Variants in XXYLT1 observed in about 807,000 individuals in gnomAD.
XXYLT1 encodes the protein xyloside xylosyltransferase 1, also known as UDP-xylose:alpha-xyloside alpha-1,3-xylosyltransferase.
XXYLT1 carries 20 observed loss-of-function variants against 28.9 expected under a neutral mutation model. The ratio of observed to expected loss-of-function variants is 0.69; its 90% CI spans 0.49 to 1.00. The LOEUF (loss-of-function observed/expected upper bound fraction) is 1.00, where lower values mean the gene tolerates loss of function less well. Ranked by LOEUF, XXYLT1 falls within the 50% of genes least tolerant of loss-of-function variation. XXYLT1 has a pLI of 0.00. For synonymous variants in XXYLT1, 257 were observed against 253.8 expected, an observed-to-expected ratio of 1.01 and a Z score of -0.12; for missense variants, 542 against 560.1, an observed-to-expected ratio of 0.97 and a Z score of 0.33.
intron 2 of XXYLT1, among the ~76,000 whole-genome samples, chr3:195,188,054 G>T (rs1722276204): frequency 2.0e-5 from 3 of 152,206 alleles, no homozygotes; most frequent in Admixed American, 2.0e-4. Context: ...ATATTTAGAT[G>T]TGAGAGTAAA....
rs1372109280 is a variant in XXYLT1, at chr3:195,076,369, G to A, written c.786-6258C>T. Among the ~76,000 whole-genome samples the A allele has an allele frequency of 1.4e-5, 2 of 147,284 alleles. No homozygotes were observed. Among genetic ancestry groups the A allele is most frequent in the African/African-American group, 2.5e-5 (1 of 40,476 alleles). On this transcript the variant is annotated intron_variant, in intron 3 of 3. Transcript: ENST00000310380. This position sits in a 1 kb window ranked among gnomAD's most constrained non-coding sequence, Gnocchi z 5.3. ...GCGGCACAGACATTGGAACTCGACC[G>A]CGCGTGTTCCCGGAGTCTGAGTCGT...
At position 195,105,937 on chromosome 3, in the gene XXYLT1, A is replaced by C. The variant is rs1317564077; in HGVS notation, c.786-35826T>G. Among the ~76,000 whole-genome samples, 3 of 152,210 alleles carry C rather than the reference A, an allele frequency of 2.0e-5. No homozygotes were observed. In the East Asian group the frequency reaches 5.8e-4, roughly 29 times the overall value. ...ACTCTCATATCATCACTTCTTAGTA[A>C]GACTAAAGCCTTCCCCTTTCCTGTA... On this transcript the variant is annotated intron_variant, in intron 3 of 3. Transcript: ENST00000310380.
intron 1 of XXYLT1, among the ~76,000 whole-genome samples, chr3:195,250,430 G>A (rs1725204625): frequency 6.6e-6 from 1 of 152,136 alleles, no homozygotes; most frequent in African/African-American, 2.4e-5. Context: ...TGGGCGTGGT[G>A]GCACATGCCT....
chr3:195,081,046 C>T (rs112760177), intron 3 of XXYLT1, among the ~76,000 whole-genome samples: 3,395 of 152,274 alleles, frequency 0.022, 118 homozygotes, highest in African/African-American at 0.075. Flanking sequence ...GTAATTGGCA[C>T]GGTGACAGTG....
intron 3 of XXYLT1, among the ~76,000 whole-genome samples, chr3:195,109,318 G>T (rs1717324721): frequency 6.6e-6 from 1 of 152,064 alleles, no homozygotes; most frequent in Non-Finnish European, 1.5e-5. Context: ...ACCAGGCCTG[G>T]CTCTCCCAAG....
At chr3:195,243,241 A>C (rs1398570542) in intron 1 of XXYLT1, among the ~76,000 whole-genome samples, 1 of 152,128 alleles carries the variant, frequency 6.6e-6, no homozygotes, top group Non-Finnish European at 1.5e-5. Flanking sequence ...GGATAGCATT[A>C]GGAGATACAC....
At chr3:195,155,492 C>G (rs975654909) in intron 3 of XXYLT1, among the ~76,000 whole-genome samples, 2 of 152,080 alleles carry the variant, frequency 1.3e-5, no homozygotes, top group Non-Finnish European at 2.9e-5. Context: ...GGGCCACAGG[C>G]CTGGTTTATT....
At chr3:195,208,977 A>C (rs972849850) in intron 2 of XXYLT1, among the ~76,000 whole-genome samples, 1 of 152,230 alleles carries the variant, frequency 6.6e-6, no homozygotes, top group Non-Finnish European at 1.5e-5. Context: ...GTCTGTGATT[A>C]AGGACTATGA....
chr3:195,130,312 T>C (rs1354733455), intron 3 of XXYLT1, among the ~76,000 whole-genome samples: 2 of 152,170 alleles, frequency 1.3e-5, no homozygotes, highest in African/African-American at 2.4e-5. Context: ...TCACACTCAG[T>C]AGACAGGGAC....
At chr3:195,182,172 G>C (rs1721986239) in intron 2 of XXYLT1, among the ~76,000 whole-genome samples, 1 of 152,132 alleles carries the variant, frequency 6.6e-6, no homozygotes. Flanking sequence ...TAACCCCTCT[G>C]TGCTGGATTC....
At chr3:195,089,946 G>A (rs1716037158) in intron 3 of XXYLT1, among the ~76,000 whole-genome samples, 1 of 151,970 alleles carries the variant, frequency 6.6e-6, no homozygotes, top group Non-Finnish European at 1.5e-5. Flanking sequence ...TTACATAATG[G>A]TAAAGGGATC....
chr3:195,107,343 G>A lies in XXYLT1; in HGVS notation c.786-37232C>T, dbSNP rs557906267. On this transcript the variant is annotated intron_variant, in intron 3 of 3. Coordinates refer to ENST00000310380, the MANE Select transcript of XXYLT1 (RefSeq NM_152531.5). ...ACAAAAATTAGCCGGGCATGGTGGC[G>A]GGCACCTGTAATCCCAGCTACTCAG... Among the ~76,000 whole-genome samples the A allele has an allele frequency of 8.6e-5, 13 of 150,590 alleles. No individual in the cohort carries two copies. In the East Asian group the frequency reaches 2.0e-3, roughly 23 times the overall value.
At chr3:195,236,877 T>A (rs1000225004) in intron 1 of XXYLT1, among the ~76,000 whole-genome samples, 1 of 152,120 alleles carries the variant, frequency 6.6e-6, no homozygotes, top group African/African-American at 2.4e-5. Flanking sequence ...CCAGGGTGTC[T>A]AGAAATGTCA....
intron 2 of XXYLT1, among the ~76,000 whole-genome samples, chr3:195,175,062 G>T (rs746436820): frequency 6.6e-6 from 1 of 152,120 alleles, no homozygotes; most frequent in Non-Finnish European, 1.5e-5. Flanking sequence ...ACAGAACCAG[G>T]TTCACTTGGT....
At chr3:195,114,614 G>C (rs62290326) in intron 3 of XXYLT1, among the ~76,000 whole-genome samples, 4,074 of 152,246 alleles carry the variant, frequency 0.027, 72 homozygotes, top group Non-Finnish European at 0.041. Flanking sequence ...AGTGCTGGGA[G>C]GACATCTCTT....
intron 3 of XXYLT1, among the ~76,000 whole-genome samples, chr3:195,110,893 G>A (rs1389155426): frequency 1.3e-4 from 2 of 15,450 alleles, no homozygotes; most frequent in Admixed American, 7.6e-4. Flanking sequence ...GTGTGCGTGT[G>A]TGTGGGTGAG....
intron 2 of XXYLT1, among the ~76,000 whole-genome samples, chr3:195,193,699 A>G (rs1008572605): frequency 6.6e-6 from 1 of 152,246 alleles, no homozygotes; most frequent in African/African-American, 2.4e-5. Context: ...TTATAGATCA[A>G]TGCAATAAAA....
chr3:195,202,329 A>G (rs1722893578), intron 2 of XXYLT1, among the ~76,000 whole-genome samples: 1 of 151,378 alleles, frequency 6.6e-6, no homozygotes. Flanking sequence ...AACATTGAGA[A>G]CTAATCCCAA....
rs115462862 is a variant in XXYLT1 at position 195,103,534 on chromosome 3, G to A, written c.786-33423C>T. Among the ~76,000 whole-genome samples the A allele has an allele frequency of 5.4e-3, 828 of 152,344 alleles. 17 individuals are homozygous for A. Among genetic ancestry groups the A allele is most frequent in the African/African-American group, 0.019 (798 of 41,560 alleles). On this transcript the variant is annotated intron_variant, in intron 3 of 3. Coordinates refer to ENST00000310380, the MANE Select transcript of XXYLT1 (RefSeq NM_152531.5). ...CAGAACCTAGAAAGAATCAGTGTAG[G>A]TAAAACAAGAGAGAAATTAATTTTA...
Sources: gnomAD v4.1 joint callset for allele counts (sites outside exome capture counted in the v4.1 genomes callset) on GRCh38, gnomAD v4.1.1 for gene constraint, Gnocchi (gnomAD v3.1) non-coding constraint, MANE v1.5 for transcripts, NCBI Gene and HGNC (gene_info 2026-07-23, HGNC 2026-07-21) for gene names.